The following TMEM33 variants were observed in gnomAD, a reference collection of about 807,000 sequenced individuals.
TMEM33 encodes transmembrane protein 33.
A neutral mutation model predicts 29.7 loss-of-function variants in TMEM33; 16 were observed. That is an observed-to-expected ratio of 0.54 (90% CI 0.36 to 0.82). TMEM33 has a LOEUF of 0.82. Ranked by LOEUF, TMEM33 falls within the 40% of genes least tolerant of loss-of-function variation. The pLI is 0.00. For missense variants in TMEM33, 252 were observed against 295.3 expected (o/e 0.85, Z 1.08); for synonymous variants, 112 against 109.4 (o/e 1.02, Z -0.15).
chr4:41,954,166 C>T lies in TMEM33; in HGVS notation c.711C>T (p.Ala237=). 2 of 1,613,900 alleles carry T rather than the reference C, an allele frequency of 1.2e-6. No individual in the cohort carries two copies. Among genetic ancestry groups the T allele is most frequent in the East Asian group, 2.2e-5 (1 of 44,852 alleles). Residue 237 remains alanine (A), a synonymous_variant, in exon 7 of 7, where the codon GCC becomes GCT. Coordinates refer to ENST00000504986, the MANE Select transcript of TMEM33 (RefSeq NM_018126.3). The part of the protein sequence containing the change: ...FVRRLCLQSI[A]FISRLAPTVP The stretch of plus-strand genomic sequence containing the variant: ...GAAGACTTTGTCTCCAGAGCATTGC[C>T]TTTATAAGCAGATTGGCACCAACAG...
intron 6 of TMEM33, among the ~76,000 whole-genome samples, chr4:41,950,054 T>G (rs1040971033): frequency 2.6e-5 from 4 of 152,068 alleles, no homozygotes; most frequent in Admixed American, 6.6e-5. Flanking sequence ...GGGTAAGAAG[T>G]TTGGAATTTA....
intron 3 of TMEM33, among the ~76,000 whole-genome samples, chr4:41,941,179 G>A (rs945868743): frequency 2.0e-5 from 3 of 152,182 alleles, no homozygotes; most frequent in African/African-American, 4.8e-5. Flanking sequence ...GCATGAGTCT[G>A]TAATGTCCCA....
At chr4:41,946,291 T>C (rs1314079824) in intron 5 of TMEM33, among the ~76,000 whole-genome samples, 1 of 152,136 alleles carries the variant, frequency 6.6e-6, no homozygotes, top group Non-Finnish European at 1.5e-5. Context: ...TAAATTGTTC[T>C]TTAAAATGTC....
Position 41,957,995 on chromosome 4 carries a change from A to T in TMEM33, c.*3796A>T, listed in dbSNP as rs74647876. On this transcript the variant is annotated 3_prime_UTR_variant, in exon 7 of 7. Transcript: ENST00000504986. ...TAATCATTCAAGATTGAAAAAAAAAATTAAGCATTTTTTGTTTGTTTGCTT... is the reference window on the plus strand; with the variant it reads ...TAATCATTCAAGATTGAAAAAAAAATTTAAGCATTTTTTGTTTGTTTGCTT... 2.0e-5 allele frequency: 3 copies of T among 152,886 alleles called. No individual in the cohort carries two copies. Among genetic ancestry groups the T allele is most frequent in the Non-Finnish European group, 4.4e-5 (3 of 68,636 alleles). The allele number at this position is 152,886 out of a possible 1,614,324, so 9.5% of individuals were successfully genotyped here. A position where few individuals can be genotyped will look rare whatever the true frequency, so the allele number is the denominator to read the frequency against.
chr4:41,940,489 A>G (rs1306883441), intron 3 of TMEM33, among the ~76,000 whole-genome samples: 1 of 152,078 alleles, frequency 6.6e-6, no homozygotes, highest in Non-Finnish European at 1.5e-5. Context: ...AGGAAACCGA[A>G]ATTTCCTGAG....
chr4:41,938,186 AT>A (rs1170367745), intron 1 of TMEM33, among the ~76,000 whole-genome samples: 2 of 152,246 alleles, frequency 1.3e-5, no homozygotes, highest in Non-Finnish European at 2.9e-5. Flanking sequence ...TTTGCTAAGA[AT>A]AGGCATATGG....
rs1255651388 is a variant in TMEM33 at position 41,954,918 on chromosome 4, C to CA, written c.*722dup. The CA allele has an allele frequency of 2.0e-5, 3 of 152,424 alleles. No individual in the cohort carries two copies. The highest frequency in any genetic ancestry group is 7.2e-5 in the African/African-American group (3 of 41,426). 9.4% of individuals were successfully genotyped at this position (152,424 alleles called of 1,614,324 possible). A position where few individuals can be genotyped will look rare whatever the true frequency, so the allele number is the denominator to read the frequency against. ...AGCAGTAGTGACACAGCTTTCCCTTCAAAGAGCCATTGAGAAACATTTCTC... is the reference window on the plus strand; with the variant it reads ...AGCAGTAGTGACACAGCTTTCCCTTCAAAAGAGCCATTGAGAAACATTTCTC... On this transcript the variant is annotated 3_prime_UTR_variant, in exon 7 of 7. Transcript: ENST00000504986.
At chr4:41,950,555 G>A (rs1712996391) in intron 6 of TMEM33, among the ~76,000 whole-genome samples, 1 of 152,020 alleles carries the variant, frequency 6.6e-6, no homozygotes, top group Non-Finnish European at 1.5e-5. Context: ...ATTATTCTAT[G>A]ATCTGATTTT....
chr4:41,953,968 A>G, intron 6 of TMEM33, 102 bp from the exon 7 acceptor site: 2 of 1,460,928 alleles, frequency 1.4e-6, no homozygotes, highest in South Asian at 2.5e-5. Flanking sequence ...ACAAACCTTC[A>G]ATTTGTAAAA....
chr4:41,942,318 A>G (rs1712578590), intron 3 of TMEM33, among the ~76,000 whole-genome samples: 1 of 152,186 alleles, frequency 6.6e-6, no homozygotes, highest in South Asian at 2.1e-4. Flanking sequence ...ATTTTTCTTA[A>G]TTCTTGTTAG....
intron 3 of TMEM33, among the ~76,000 whole-genome samples, chr4:41,940,359 G>A (rs1202378836): frequency 3.3e-5 from 5 of 151,994 alleles, no homozygotes; most frequent in African/African-American, 1.2e-4. Context: ...ACATCTGTAT[G>A]TTATGTAAAG....
intron 5 of TMEM33, among the ~76,000 whole-genome samples, chr4:41,948,580 G>A (rs1376911062): frequency 6.6e-6 from 1 of 151,874 alleles, no homozygotes; most frequent in East Asian, 1.9e-4. Flanking sequence ...AATAATATGT[G>A]TAGTTTTATA....
At chr4:41,949,494 A>G (rs1712945506) in intron 6 of TMEM33, 109 bp downstream of exon 6, 1 of 866,092 alleles carries the variant, frequency 1.2e-6, no homozygotes, top group Admixed American at 3.0e-5. Flanking sequence ...CTTTAGAAGC[A>G]AGCAGTGTTT....
At chr4:41,935,395 T>A (rs1005262543), upstream of TMEM33, 4 of 1,395,822 alleles carry the variant, frequency 2.9e-6, no homozygotes, top group Admixed American at 5.9e-5. Context: ...GGGAAGCCGG[T>A]ACCCGGGTCC....
Position 41,939,337 on chromosome 4 carries a change from C to T in TMEM33, c.282C>T (p.His94=). The change falls in exon 3 of 7, where the codon CAC becomes CAT. Residue 94 remains histidine, a synonymous_variant. Transcript: ENST00000504986. ...AGGCTTTGTTAGAGGACAGCTGCCACTACCTGTTGTATTCACTCATCTTTG... is the reference window on the plus strand; with the variant it reads ...AGGCTTTGTTAGAGGACAGCTGCCATTACCTGTTGTATTCACTCATCTTTG... ...LAQALLEDSC[H]YLLYSLIFVN... 6.2e-7 allele frequency: 1 copy of T among 1,613,700 alleles called. No homozygotes were observed. The highest frequency in any genetic ancestry group is 8.5e-7 in the Non-Finnish European group (1 of 1,179,906).
In TMEM33 at chr4:41,936,543, A is replaced by AAAAC. The variant is rs148733765; in HGVS notation, c.45+1036_45+1039dup. ...GGGTGATAGAGCAAAACCTTCTCTC[A>AAAAC]AAACAAACAAACAAACAAACAAACA... is the stretch of plus-strand genomic sequence containing the variant. On this transcript the variant is annotated intron_variant, in intron 1 of 6. Coordinates refer to ENST00000504986, the MANE Select transcript of TMEM33 (RefSeq NM_018126.3). Among the ~76,000 whole-genome samples, 255 of 151,806 alleles carry AAAAC rather than the reference A, an allele frequency of 1.7e-3. 1 individual carries two copies. The Middle Eastern group carries it at 0.031, about 18-fold the overall frequency.
chr4:41,953,813 A>G (rs1453357669), intron 6 of TMEM33: 1 of 503,186 alleles, frequency 2.0e-6, no homozygotes, highest in East Asian at 5.3e-5. Context: ...TCACCGTAAC[A>G]GAACAGATCA....
In TMEM33 at chr4:41,957,898, G is replaced by GT. The variant is rs1713332188; in HGVS notation, c.*3701dup. 1 of 152,100 alleles carries GT rather than the reference G, an allele frequency of 6.6e-6. No individual in the cohort carries two copies. The highest frequency in any genetic ancestry group is 2.4e-5 in the African/African-American group (1 of 41,408). 9.4% of individuals were successfully genotyped at this position (152,100 alleles called of 1,614,324 possible). On this transcript the variant is annotated 3_prime_UTR_variant, in exon 7 of 7. Coordinates refer to ENST00000504986, the MANE Select transcript of TMEM33 (RefSeq NM_018126.3). ...CCATTTTCACATGATGTGTTTGAAG[G>GT]TTAAATGCCACCAAAAGTGCTGAGT... is the stretch of plus-strand genomic sequence containing the variant.
At chr4:41,936,599 A>G (rs1240119682) in intron 1 of TMEM33, among the ~76,000 whole-genome samples, 2 of 152,092 alleles carry the variant, frequency 1.3e-5, no homozygotes, top group African/African-American at 2.4e-5. Context: ...GTGCGCTCCT[A>G]TAGTCCCAGC....
Sources: gnomAD v4.1 joint callset for allele counts (sites outside exome capture counted in the v4.1 genomes callset) on GRCh38, gnomAD v4.1.1 for gene constraint, MANE v1.5 for transcripts, NCBI Gene and HGNC (gene_info 2026-07-23, HGNC 2026-07-21) for gene names.